Variants in WEE2 observed in about 807,000 individuals in gnomAD.
The protein encoded by WEE2 is wee1-like protein kinase 2.
In WEE2, 50 loss-of-function variants were observed where a neutral mutation model predicts 60.1. That is an observed-to-expected ratio of 0.83 (90% CI 0.66 to 1.05). The LOEUF (loss-of-function observed/expected upper bound fraction) is 1.05, where lower values mean the gene tolerates loss of function less well. Ranked by LOEUF, WEE2 falls within the 50% of genes least tolerant of loss-of-function variation. The pLI is 0.00. For synonymous variants in WEE2, 240 were observed against 241.0 expected (o/e 1.00, Z 0.04); for missense variants, 631 against 684.3 (o/e 0.92, Z 0.87).
chr7:141,709,251 T>A, intron 1 of WEE2, 151 bp downstream of exon 1: 2 of 639,894 alleles, frequency 3.1e-6, no homozygotes, highest in Non-Finnish European at 5.2e-6. Context: ...ATGAAGAAAT[T>A]AAAATTACCA....
At chr7:141,726,267 TTTTTTATTTTTA>T (rs1050079549) in intron 9 of WEE2, among the ~76,000 whole-genome samples, 14 of 152,116 alleles carry the variant, frequency 9.2e-5, no homozygotes, top group African/African-American at 3.4e-4. Context: ...AGATTAGATT[TTTTTTATTTTTA>T]TTTTTATTTT....
rs949638204 is a variant in WEE2, at chr7:141,711,899, A to G, written c.343-2310A>G. On this transcript the variant is annotated intron_variant, in intron 1 of 11. Coordinates refer to ENST00000397541, the MANE Select transcript of WEE2 (RefSeq NM_001105558.1). The surrounding 1 kb of genome is among the most constrained non-coding windows in gnomAD (Gnocchi z 4.2). ...GAGAAAAAGTGAGACAGTGGAAGCA[A>G]GACAGGAAGGAAGTGTCAGGCTCAT... is the stretch of plus-strand genomic sequence containing the variant. 1.3e-5 allele frequency: 2 copies of G among 152,250 alleles called. No homozygotes were observed. Among genetic ancestry groups the G allele is most frequent in the Admixed American group, 1.3e-4 (2 of 15,268 alleles). The allele number at this position is 152,250 out of a possible 1,614,324, so 9.4% of individuals were successfully genotyped here.
chr7:141,719,525 A>G (rs1414927459), intron 4 of WEE2, among the ~76,000 whole-genome samples: 3 of 152,152 alleles, frequency 2.0e-5, no homozygotes, highest in Non-Finnish European at 2.9e-5. Flanking sequence ...ATCTTGGCTC[A>G]CTGCAATCTC....
chr7:141,714,512 A>G, intron 2 of WEE2, 107 bp downstream of exon 2: 1 of 861,638 alleles, frequency 1.2e-6, no homozygotes, highest in South Asian at 1.9e-5. Flanking sequence ...ATTTGAATGA[A>G]ATGTATATGC....
At chr7:141,714,769 C>T (rs766203398) in intron 2 of WEE2, among the ~76,000 whole-genome samples, 14 of 152,262 alleles carry the variant, frequency 9.2e-5, no homozygotes, top group South Asian at 2.1e-4. Flanking sequence ...TCAAAGAGTA[C>T]GTTGCTGCTT....
At chr7:141,725,951 A>T (rs539134492) in intron 9 of WEE2, among the ~76,000 whole-genome samples, 2 of 152,326 alleles carry the variant, frequency 1.3e-5, no homozygotes, top group South Asian at 4.1e-4. Context: ...TAAAAGAATG[A>T]ATTTCTATTA....
Position 141,723,251 on chromosome 7 carries a change from C to A in WEE2, c.998C>A (p.Ser333Tyr). ...ISLGLNYIHN[S>Y]SMVHLDIKPS... Reference sequence around the variant, plus strand: ...CTTGGCCTTAATTACATCCACAACTCTAGCATGGTACACCTGGACATCAAA... The same window carrying A: ...CTTGGCCTTAATTACATCCACAACTATAGCATGGTACACCTGGACATCAAA... The change falls in exon 6 of 12, where the codon TCT (serine) becomes TAT (tyrosine). Residue 333 changes from serine (S) to tyrosine (Y), a missense_variant. Coordinates refer to ENST00000397541, the MANE Select transcript of WEE2 (RefSeq NM_001105558.1). The A allele has an allele frequency of 1.2e-5, 19 of 1,614,072 alleles. No individual in the cohort carries two copies. The highest frequency in any genetic ancestry group is 1.5e-5 in the Non-Finnish European group (18 of 1,179,998).
At chr7:141,718,761 G>C (rs1277268854) in intron 3 of WEE2, among the ~76,000 whole-genome samples, 1 of 152,128 alleles carries the variant, frequency 6.6e-6, no homozygotes, top group East Asian at 1.9e-4. Context: ...GTAGCTCTGG[G>C]AGTGAGAAGT....
In WEE2 at chr7:141,725,155, G is replaced by T. The variant is rs956821646; in HGVS notation, c.1351G>T (p.Val451Phe). The T allele has an allele frequency of 2.5e-6, 4 of 1,614,170 alleles. No individual in the cohort carries two copies. The highest frequency in any genetic ancestry group is 3.4e-6 in the Non-Finnish European group (4 of 1,180,006). The change falls in exon 9 of 12, where the codon GTT becomes TTT. Residue 451 changes from valine (V) to phenylalanine (F), a missense_variant. Val to Phe is a conservative substitution (Grantham distance 50). Transcript: ENST00000397541. The stretch of plus-strand genomic sequence containing the variant: ...TATCCGCAAGGGTAACTTTCCGGAC[G>T]TTCCTCAGGAGCTCTCAGAAAGCTT... ...HHIRKGNFPD[V>F]PQELSESFSS...
chr7:141,729,279 G>A (rs960097422), intron 10 of WEE2, among the ~76,000 whole-genome samples: 5 of 152,140 alleles, frequency 3.3e-5, no homozygotes, highest in Admixed American at 3.3e-4. Flanking sequence ...TTAATTTAAA[G>A]CATTTTAAAG....
chr7:141,721,239 G>A (rs1490669570), intron 5 of WEE2, among the ~76,000 whole-genome samples, 183 bp downstream of exon 5: 3 of 152,122 alleles, frequency 2.0e-5, no homozygotes, highest in Non-Finnish European at 4.4e-5. Flanking sequence ...AGGGGTCCTC[G>A]ACTTATTCTT....
intron 1 of WEE2, among the ~76,000 whole-genome samples, chr7:141,710,516 GAATA>G (rs1464834697): frequency 6.6e-6 from 1 of 152,178 alleles, no homozygotes; most frequent in African/African-American, 2.4e-5. Flanking sequence ...CCCACAAAAT[GAATA>G]AAGATTAAAC....
At chr7:141,709,403 GATTT>G (rs994957028) in intron 1 of WEE2, among the ~76,000 whole-genome samples, 1 of 152,172 alleles carries the variant, frequency 6.6e-6, no homozygotes, top group Non-Finnish European at 1.5e-5. Flanking sequence ...GGAATATTGA[GATTT>G]AGAGCTCCAG....
At chr7:141,723,309 A>G in intron 6 of WEE2, 29 bp downstream of exon 6, 1 of 1,607,866 alleles carries the variant, frequency 6.2e-7, no homozygotes, top group South Asian at 1.1e-5. Flanking sequence ...TGCCACTTCT[A>G]CCGTATTTTG....
Position 141,711,415 on chromosome 7 carries a change from C to T in WEE2, c.342+2315C>T, listed in dbSNP as rs17162417. On this transcript the variant is annotated intron_variant, in intron 1 of 11. Transcript: ENST00000397541. This position sits in a 1 kb window ranked among gnomAD's most constrained non-coding sequence, Gnocchi z 4.2. ...GGAAAGTACATACTTTATGAAAACA[C>T]AGTTTGCGTTAGAGGAAAGAGGCTT... Among the ~76,000 whole-genome samples the T allele has an allele frequency of 0.017, 2,594 of 152,250 alleles. 70 individuals carry two copies. Among genetic ancestry groups the T allele is most frequent in the African/African-American group, 0.06 (2,478 of 41,532 alleles).
rs1251453605 is a variant in WEE2 at position 141,708,886 on chromosome 7, A to G, written c.128A>G (p.Lys43Arg). 3 of 1,614,070 alleles carry G rather than the reference A, an allele frequency of 1.9e-6. No homozygotes were observed. The highest frequency in any genetic ancestry group is 2.5e-6 in the Non-Finnish European group (3 of 1,180,034). ...SREASSQTPE[K>R]GEVQDSEAKG... ...GAGGCTTCGAGCCAAACCCCAGAGAAGGGTGAAGTGCAGGATTCAGAGGCA... is the reference window on the plus strand; with the variant it reads ...GAGGCTTCGAGCCAAACCCCAGAGAGGGGTGAAGTGCAGGATTCAGAGGCA... The change falls in exon 1 of 12, where the codon AAG becomes AGG. Residue 43 changes from lysine (K) to arginine (R), a missense_variant. Transcript: ENST00000397541.
intron 3 of WEE2, 43 bp downstream of exon 3, chr7:141,716,310 T>G: frequency 6.3e-7 from 1 of 1,583,180 alleles, no homozygotes; most frequent in South Asian, 1.1e-5. Flanking sequence ...TATAGGCAGT[T>G]TATCCTATTC....
chr7:141,716,200 A>G, intron 2 of WEE2, 22 bp from the exon 3 acceptor site: 1 of 1,605,140 alleles, frequency 6.2e-7, no homozygotes, highest in South Asian at 1.1e-5. Flanking sequence ...TATATTGATA[A>G]ACTTTTTTTT....
chr7:141,727,166 A>G (rs1194183973), intron 9 of WEE2, 138 bp from the exon 10 acceptor site: 2 of 895,828 alleles, frequency 2.2e-6, no homozygotes, highest in Non-Finnish European at 3.4e-6. Flanking sequence ...CTCAGTTTTC[A>G]TTTCTTTCCT....
Sources: allele counts gnomAD v4.1 joint callset (sites outside exome capture counted in the v4.1 genomes callset), GRCh38; gene constraint gnomAD v4.1.1; non-coding constraint Gnocchi (gnomAD v3.1); transcripts MANE v1.5; gene names NCBI Gene and HGNC (gene_info 2026-07-23, HGNC 2026-07-21).